AUH: variants seen among roughly 807,000 people sequenced by gnomAD.
The protein encoded by AUH is methylglutaconyl-CoA hydratase, mitochondrial.
Under a neutral mutation model 42.3 loss-of-function variants are expected in AUH, and 29 were observed. That is an observed-to-expected ratio of 0.69 (90% CI 0.51 to 0.93). The LOEUF (loss-of-function observed/expected upper bound fraction) is 0.93, where lower values mean the gene tolerates loss of function less well. AUH is among the 40% of genes least tolerant of loss of function. The pLI is 0.00. For missense variants in AUH, 452 were observed against 438.1 expected, an observed-to-expected ratio of 1.03 and a Z score of -0.28; for synonymous variants, 174 against 166.4, an observed-to-expected ratio of 1.05 and a Z score of -0.35.
chr9:91,329,079 T>G (rs962764650), intron 3 of AUH, among the ~76,000 whole-genome samples: 2 of 152,220 alleles, frequency 1.3e-5, no homozygotes, highest in African/African-American at 4.8e-5. Flanking sequence ...TTCATGCATG[T>G]TATAAGCATG....
chr9:91,254,234 G>A (rs1829289370), intron 6 of AUH, among the ~76,000 whole-genome samples: 1 of 152,096 alleles, frequency 6.6e-6, no homozygotes, highest in Non-Finnish European at 1.5e-5. Context: ...TATAACTTGG[G>A]GCTAAAATAA....
At chr9:91,293,853 G>A (rs548207331) in intron 6 of AUH, among the ~76,000 whole-genome samples, 48 of 152,292 alleles carry the variant, frequency 3.2e-4, no homozygotes, top group African/African-American at 1.0e-3. Context: ...GTCAATGCCT[G>A]GCTTCAAAGC....
chr9:91,348,777 A>G (rs1173586400), intron 3 of AUH, among the ~76,000 whole-genome samples: 1 of 152,180 alleles, frequency 6.6e-6, no homozygotes, highest in Admixed American at 6.5e-5. Flanking sequence ...AAATGGACAC[A>G]AGAAAACTTT....
intron 6 of AUH, among the ~76,000 whole-genome samples, chr9:91,240,697 G>A (rs1008136596): frequency 6.6e-6 from 1 of 151,308 alleles, no homozygotes; most frequent in African/African-American, 2.4e-5. Context: ...TTAAATCATT[G>A]CATGTGGTTA....
chr9:91,245,811 G>T (rs1305365305), intron 6 of AUH, among the ~76,000 whole-genome samples: 1 of 152,130 alleles, frequency 6.6e-6, no homozygotes, highest in African/African-American at 2.4e-5. Context: ...GCCTGCTCTG[G>T]CCCTCTCCTC....
rs1265927911 is a variant in AUH, at chr9:91,280,168, CTCT to C, written c.655+15850_655+15852del. On this transcript the variant is annotated intron_variant, in intron 6 of 9. Transcript: ENST00000375731. ...AAAAGATAAGGGAAATGAACTGCCG[CTCT>C]TCTTAATTTATAGGCAGAACTAATT... Among the ~76,000 whole-genome samples, 4 of 152,300 alleles carry C rather than the reference CTCT, an allele frequency of 2.6e-5. No homozygotes were observed. In the East Asian group the frequency reaches 5.8e-4, roughly 22 times the overall value.
chr9:91,309,429 A>G (rs1394564141), intron 4 of AUH, among the ~76,000 whole-genome samples: 1 of 152,172 alleles, frequency 6.6e-6, no homozygotes, highest in Non-Finnish European at 1.5e-5. Flanking sequence ...GGCTTTTGGA[A>G]TACTGTTTTC....
At chr9:91,266,222 C>T (rs866329960) in intron 6 of AUH, among the ~76,000 whole-genome samples, 4 of 151,838 alleles carry the variant, frequency 2.6e-5, no homozygotes, top group Admixed American at 2.6e-4. Flanking sequence ...ATTAGCTGGG[C>T]GTGGTGGCAG....
At position 91,257,174 on chromosome 9, in the gene AUH, G is replaced by A. The variant is rs564451891; in HGVS notation, c.656-36182C>T. ...GAGCTAAAATGGTTACGTTGATCTA[G>A]CTGGATCTGAACCAGGGTAGCAGTA... On this transcript the variant is annotated intron_variant, in intron 6 of 9. Coordinates refer to ENST00000375731, the MANE Select transcript of AUH (RefSeq NM_001698.3). Among the ~76,000 whole-genome samples the A allele has an allele frequency of 3.9e-5, 6 of 152,238 alleles. No individual in the cohort carries two copies. In the East Asian group the frequency reaches 1.2e-3, roughly 29 times the overall value.
intron 1 of AUH, among the ~76,000 whole-genome samples, chr9:91,356,904 G>A (rs1326619381): frequency 3.9e-5 from 6 of 152,162 alleles, no homozygotes; most frequent in African/African-American, 9.7e-5. Context: ...TGTTCTTGGA[G>A]TAGACAAATT....
At chr9:91,290,585 C>A (rs1162580032) in intron 6 of AUH, among the ~76,000 whole-genome samples, 1 of 152,076 alleles carries the variant, frequency 6.6e-6, no homozygotes, top group East Asian at 1.9e-4. Flanking sequence ...AAAGTAGGTT[C>A]TAATTAATGC....
At chr9:91,361,569 C>G in intron 1 of AUH, 59 bp downstream of exon 1, 1 of 1,545,634 alleles carries the variant, frequency 6.5e-7, no homozygotes, top group Non-Finnish European at 8.7e-7. Flanking sequence ...CACCTTATGC[C>G]CGTCCTGAGA....
At chr9:91,348,302 C>T (rs1831691938) in intron 3 of AUH, among the ~76,000 whole-genome samples, 1 of 152,160 alleles carries the variant, frequency 6.6e-6, no homozygotes, top group East Asian at 1.9e-4. Context: ...AACTCTCATC[C>T]GTTGCTAGTG....
At chr9:91,319,798 G>A (rs1262083655) in intron 4 of AUH, among the ~76,000 whole-genome samples, 2 of 152,330 alleles carry the variant, frequency 1.3e-5, no homozygotes, top group East Asian at 3.9e-4. Flanking sequence ...AGAAGCAACA[G>A]AAGACCCCAG....
At chr9:91,337,423 G>C (rs576583975) in intron 3 of AUH, among the ~76,000 whole-genome samples, 92 of 152,290 alleles carry the variant, frequency 6.0e-4, no homozygotes, top group Admixed American at 1.0e-3. Flanking sequence ...GGAAGAAGAT[G>C]AATCTACCCC....
intron 6 of AUH, among the ~76,000 whole-genome samples, chr9:91,245,556 A>C (rs1275568241): frequency 6.6e-6 from 1 of 152,222 alleles, no homozygotes; most frequent in Non-Finnish European, 1.5e-5. Flanking sequence ...AGTGAAAATA[A>C]ATGAAACAAG....
At chr9:91,312,554 CCT>C (rs1308190355) in intron 4 of AUH, among the ~76,000 whole-genome samples, 1 of 152,150 alleles carries the variant, frequency 6.6e-6, no homozygotes, top group Non-Finnish European at 1.5e-5. Context: ...ATGGCGAAAC[CCT>C]GTCTCTACCA....
chr9:91,237,085 A>AT (rs1828231159), intron 6 of AUH, among the ~76,000 whole-genome samples: 1 of 152,232 alleles, frequency 6.6e-6, no homozygotes, highest in South Asian at 2.1e-4. Flanking sequence ...TCAGCTACAG[A>AT]TTATGTTTCC....
At chr9:91,317,553 T>C (rs1255310390) in intron 4 of AUH, among the ~76,000 whole-genome samples, 1 of 152,182 alleles carries the variant, frequency 6.6e-6, no homozygotes. Context: ...TTTCTAATAA[T>C]TTATTGTTTC....
Sources: allele counts gnomAD v4.1 joint callset (sites outside exome capture counted in the v4.1 genomes callset), GRCh38; gene constraint gnomAD v4.1.1; transcripts MANE v1.5; gene names NCBI Gene and HGNC (gene_info 2026-07-23, HGNC 2026-07-21).